CACNA2D3: variants seen among roughly 807,000 people sequenced by gnomAD.
The protein encoded by CACNA2D3 is calcium voltage-gated channel auxiliary subunit alpha2delta 3, also known as voltage-dependent calcium channel subunit alpha-2/delta-3.
A neutral mutation model predicts 160.6 loss-of-function variants in CACNA2D3; 60 were observed. That is an observed-to-expected ratio of 0.37 (90% CI 0.30 to 0.46). The LOEUF is 0.46. Ranked by LOEUF, CACNA2D3 falls within the 20% of genes least tolerant of loss-of-function variation. CACNA2D3 has a pLI of 1.00. For missense variants in CACNA2D3, 1,205 were observed against 1,365.0 expected (o/e 0.88, Z 1.85); for synonymous variants, 558 against 492.9 (o/e 1.13, Z -1.75).
chr3:55,012,918 C>G (rs994265171), intron 34 of CACNA2D3, among the ~76,000 whole-genome samples: 1 of 152,088 alleles, frequency 6.6e-6, no homozygotes, highest in African/African-American at 2.4e-5. Flanking sequence ...TCACCACCCC[C>G]ACCCCAGCTG....
chr3:54,621,055 C>T (rs531019279), intron 9 of CACNA2D3, among the ~76,000 whole-genome samples: 29 of 152,240 alleles, frequency 1.9e-4, no homozygotes, highest in Non-Finnish European at 3.1e-4. Context: ...CTGCAGTACT[C>T]GAATGACCCT....
chr3:54,277,166 A>G (rs1271070169), intron 2 of CACNA2D3, among the ~76,000 whole-genome samples: 2 of 152,196 alleles, frequency 1.3e-5, no homozygotes, highest in African/African-American at 4.8e-5. Context: ...CATTCACATG[A>G]ACGTCTGCCC....
At chr3:54,405,628 AG>A (rs1237408426) in intron 4 of CACNA2D3, among the ~76,000 whole-genome samples, 1 of 152,106 alleles carries the variant, frequency 6.6e-6, no homozygotes, top group Non-Finnish European at 1.5e-5. Context: ...AAGAAAATAT[AG>A]GGGGTAAACT....
intron 34 of CACNA2D3, among the ~76,000 whole-genome samples, chr3:55,011,108 A>G (rs1703201671): frequency 1.3e-5 from 2 of 152,346 alleles, no homozygotes; most frequent in African/African-American, 2.4e-5. Context: ...TGCTTAGAAC[A>G]TGAGATGGAG....
At chr3:54,162,127 T>C (rs1238186436) in intron 2 of CACNA2D3, among the ~76,000 whole-genome samples, 1 of 152,200 alleles carries the variant, frequency 6.6e-6, no homozygotes, top group East Asian at 1.9e-4. Context: ...AGGATATTTA[T>C]TGAGTGCCTG....
intron 27 of CACNA2D3, chr3:54,901,315 C>T (rs772698994): frequency 1.3e-5 from 2 of 152,198 alleles, no homozygotes; most frequent in Non-Finnish European, 2.9e-5. Flanking sequence ...CTAGTTTAGT[C>T]ATCATGAAGG....
At chr3:54,538,204 A>G (rs1701918343) in intron 5 of CACNA2D3, among the ~76,000 whole-genome samples, 2 of 152,132 alleles carry the variant, frequency 1.3e-5, no homozygotes, top group South Asian at 4.1e-4. Flanking sequence ...GCTGCTCCCT[A>G]GCACCCCAAG....
chr3:54,511,493 C>T (rs1399729723), intron 5 of CACNA2D3, among the ~76,000 whole-genome samples: 1 of 152,156 alleles, frequency 6.6e-6, no homozygotes, highest in Admixed American at 6.5e-5. Flanking sequence ...GTTCTGTCAA[C>T]TCTTCTTCTA....
At position 54,594,882 on chromosome 3, in the gene CACNA2D3, C is replaced by G. The variant is rs1273948575; in HGVS notation, c.963+13005C>G. On this transcript the variant is annotated intron_variant, in intron 9 of 37. Coordinates refer to ENST00000474759, the MANE Select transcript of CACNA2D3 (RefSeq NM_018398.3). ...GGAGAAGCTGAGAGAGTTTAAGAGACACATGCGGGTATACACAATCAGTAA... is the reference window on the plus strand; with the variant it reads ...GGAGAAGCTGAGAGAGTTTAAGAGAGACATGCGGGTATACACAATCAGTAA... 2.6e-5 allele frequency among the ~76,000 whole-genome samples: 4 copies of G among 152,134 alleles called. No individual in the cohort carries two copies. In the East Asian group the frequency reaches 7.7e-4, roughly 29 times the overall value.
intron 11 of CACNA2D3, among the ~76,000 whole-genome samples, chr3:54,652,140 A>G (rs931741959): frequency 4.0e-5 from 6 of 151,708 alleles, no homozygotes; most frequent in South Asian, 2.1e-4. Flanking sequence ...CCCACCCCCT[A>G]GCCTCCACAC....
intron 11 of CACNA2D3, among the ~76,000 whole-genome samples, chr3:54,700,107 A>G (rs1317547061): frequency 1.3e-5 from 2 of 152,210 alleles, no homozygotes; most frequent in Non-Finnish European, 2.9e-5. Flanking sequence ...GGCTAAGAAG[A>G]AGCTAACAGA....
chr3:54,458,544 A>G (rs1700440442), intron 4 of CACNA2D3, among the ~76,000 whole-genome samples: 1 of 151,362 alleles, frequency 6.6e-6, no homozygotes, highest in African/African-American at 2.4e-5. Context: ...CTGATAGTCT[A>G]GTAAGGGTTC....
chr3:54,998,811 G>A (rs1000905747), intron 31 of CACNA2D3, among the ~76,000 whole-genome samples: 4 of 151,900 alleles, frequency 2.6e-5, no homozygotes, highest in Non-Finnish European at 5.9e-5. Flanking sequence ...CAGTGGCGTG[G>A]TCTCAGCTCA....
intron 2 of CACNA2D3, among the ~76,000 whole-genome samples, chr3:54,313,493 C>T (rs1192507843): frequency 6.6e-6 from 1 of 152,058 alleles, no homozygotes; most frequent in African/African-American, 2.4e-5. Context: ...GTTGCCTGTC[C>T]CCGCAGCCCC....
At chr3:54,536,216 A>G (rs1248464757) in intron 5 of CACNA2D3, among the ~76,000 whole-genome samples, 1 of 152,200 alleles carries the variant, frequency 6.6e-6, no homozygotes, top group Non-Finnish European at 1.5e-5. Context: ...CGCATACACG[A>G]AACAGGTCAT....
chr3:54,562,868 C>A lies in CACNA2D3; in HGVS notation c.613C>A (p.Arg205Ser). Reference protein sequence around the residue: ...LNKVFVDNFDRDPSLIWQYFG... With the variant: ...LNKVFVDNFDSDPSLIWQYFG... ...CAAAGTTTTTGTAGATAACTTTGAC[C>A]GTGACCCATCTCTCATATGGCAGTA... Residue 205 changes from arginine (R) to serine (S), a missense_variant, in exon 6 of 38, where the codon CGT (arginine) becomes AGT (serine). Around this residue, in one of 3 missense-constraint regions of CACNA2D3, gnomAD observed 131 missense variants for 201.5 expected, o/e 0.65. Coordinates refer to ENST00000474759, the MANE Select transcript of CACNA2D3 (RefSeq NM_018398.3). 6.2e-7 allele frequency: 1 copy of A among 1,613,014 alleles called. No individual in the cohort carries two copies. The highest frequency in any genetic ancestry group is 1.1e-5 in the South Asian group (1 of 91,022).
intron 9 of CACNA2D3, among the ~76,000 whole-genome samples, chr3:54,590,496 C>T (rs1211116830): frequency 6.6e-6 from 1 of 152,092 alleles, no homozygotes. Flanking sequence ...TGGAACTGTT[C>T]TGTGTCTTGA....
rs187879955 is a variant in CACNA2D3 at position 54,254,011 on chromosome 3, C to T, written c.205-66431C>T. Among the ~76,000 whole-genome samples, 9 of 152,200 alleles carry T rather than the reference C, an allele frequency of 5.9e-5. No homozygotes were observed. The East Asian group carries it at 1.5e-3, about 26-fold the overall frequency. ...TAAACTCCTGACCTCGTGATCCAGCCGCCTCAGCCTCCCAAAGTGCTGGGA... is the reference window on the plus strand; with the variant it reads ...TAAACTCCTGACCTCGTGATCCAGCTGCCTCAGCCTCCCAAAGTGCTGGGA... On this transcript the variant is annotated intron_variant, in intron 2 of 37. Transcript: ENST00000474759.
At chr3:54,945,011 A>G (rs983243692) in intron 27 of CACNA2D3, among the ~76,000 whole-genome samples, 2 of 152,182 alleles carry the variant, frequency 1.3e-5, no homozygotes, top group African/African-American at 2.4e-5. Context: ...GGGTGAATCA[A>G]TGAAAACTTA....
Sources: gnomAD v4.1 joint callset for allele counts (sites outside exome capture counted in the v4.1 genomes callset) on GRCh38, gnomAD v4.1.1 for gene constraint, gnomAD v4.1.1 regional missense constraint, MANE v1.5 for transcripts, NCBI Gene and HGNC (gene_info 2026-07-23, HGNC 2026-07-21) for gene names.